Variants in CRYBB2 observed in about 807,000 individuals in gnomAD.
The protein encoded by CRYBB2 is crystallin beta B2, also known as beta-crystallin B2.
A neutral mutation model predicts 24.3 loss-of-function variants in CRYBB2; 12 were observed. The observed-to-expected ratio is 0.49, with a 90% CI of 0.32 to 0.80. The LOEUF is 0.80. Among genes scored for constraint, CRYBB2 ranks in the 30% least tolerant of loss-of-function variants. CRYBB2 has a pLI of 0.04. For missense variants in CRYBB2, 198 were observed against 268.5 expected (o/e 0.74, Z 1.83); for synonymous variants, 98 against 101.6 (o/e 0.96, Z 0.21).
Position 25,231,721 on chromosome 22 carries a change from T to C in CRYBB2, c.567T>C (p.Arg189=). The C allele has an allele frequency of 1.2e-6, 2 of 1,614,120 alleles. No homozygotes were observed. The highest frequency in any genetic ancestry group is 1.7e-6 in the Non-Finnish European group (2 of 1,180,020). ...APHPQVQSVR[R]IRDMQWHQRG... ...ACCCCCAGGTGCAGTCCGTGCGCCG[T>C]ATCCGCGACATGCAGTGGCACCAAC... Residue 189 remains arginine (R), a synonymous_variant, in exon 6 of 6, where the codon CGT becomes CGC. Transcript: ENST00000398215.
rs747563271 is a variant in CRYBB2 at position 25,221,515 on chromosome 22, T to C, written c.54+32T>C. 3 of 1,550,058 alleles carry C rather than the reference T, an allele frequency of 1.9e-6. No individual in the cohort carries two copies. In the South Asian group the frequency reaches 3.3e-5, roughly 17 times the overall value. The stretch of plus-strand genomic sequence containing the variant: ...ACCTCTCAGAGGAGGGGGCATGCAA[T>C]GCTCCTCCCCCAGACTTAGTTGCCC... On this transcript the variant is annotated intron_variant, in intron 2 of 5. Coordinates refer to ENST00000398215, the MANE Select transcript of CRYBB2 (RefSeq NM_000496.3).
upstream of CRYBB2, among the ~76,000 whole-genome samples, chr22:25,218,125 G>GGA (rs1935204682): frequency 2.7e-5 from 4 of 150,932 alleles, no homozygotes; most frequent in African/African-American, 7.3e-5. Context: ...CGGGCGTGTT[G>GGA]GCGGGCGCCT....
At chr22:25,228,047 C>T (rs1428806251) in intron 4 of CRYBB2, 62 bp downstream of exon 4, 2 of 1,610,890 alleles carry the variant, frequency 1.2e-6, no homozygotes, top group African/African-American at 2.7e-5. Context: ...TCTCTCTCTG[C>T]CACCTTGGAG....
chr22:25,222,172 G>T (rs749668684), intron 2 of CRYBB2, among the ~76,000 whole-genome samples: 1 of 152,208 alleles, frequency 6.6e-6, no homozygotes, highest in Non-Finnish European at 1.5e-5. Context: ...CCGGGCACAG[G>T]TTCCTTCAGG....
chr22:25,218,769 G>GAA (rs1935245723), upstream of CRYBB2, among the ~76,000 whole-genome samples: 5 of 37,452 alleles, frequency 1.3e-4, no homozygotes, highest in Admixed American at 6.0e-4. Context: ...GAGAGAGAGA[G>GAA]AGAGAGAGAG....
intron 1 of CRYBB2, 58 bp downstream of exon 1, chr22:25,219,724 C>A (rs960664281): frequency 6.6e-6 from 1 of 152,186 alleles, no homozygotes; most frequent in African/African-American, 2.4e-5. Context: ...CCCCTGTCCG[C>A]AAGCATGGGA....
rs1023262728 is a variant in CRYBB2, at chr22:25,231,690, C to G, written c.536C>G (p.Ala179Gly). ...TACAAGGACAGCAGCGACTTTGGGG[C>G]CCCTCACCCCCAGGTGCAGTCCGTG... is the stretch of plus-strand genomic sequence containing the variant. ...GDYKDSSDFG[A>G]PHPQVQSVRR... Residue 179 changes from alanine (A) to glycine (G), a missense_variant, in exon 6 of 6, where the codon GCC (alanine) becomes GGC (glycine). Coordinates refer to ENST00000398215, the MANE Select transcript of CRYBB2 (RefSeq NM_000496.3). The G allele has an allele frequency of 6.2e-7, 1 of 1,614,102 alleles. No individual in the cohort carries two copies. The highest frequency in any genetic ancestry group is 2.2e-5 in the East Asian group (1 of 44,868).
upstream of CRYBB2, among the ~76,000 whole-genome samples, chr22:25,218,758 A>G (rs1935240467): frequency 2.4e-5 from 1 of 42,106 alleles, no homozygotes; most frequent in African/African-American, 1.4e-4. Flanking sequence ...AGAGAGAGAG[A>G]GAGAGAGAGA....
At chr22:25,218,774 AG>A (rs1424080442), upstream of CRYBB2, among the ~76,000 whole-genome samples, 137 of 19,366 alleles carry the variant, frequency 7.1e-3, 1 homozygote, top group East Asian at 0.025. Context: ...AGAGAGAGAG[AG>A]AGAGAAGAAA....
intron 2 of CRYBB2, among the ~76,000 whole-genome samples, chr22:25,222,110 A>C (rs574003197): frequency 6.6e-6 from 1 of 152,156 alleles, no homozygotes; most frequent in South Asian, 2.1e-4. Flanking sequence ...TCAAACCTCT[A>C]TCTAGGCACG....
upstream of CRYBB2, among the ~76,000 whole-genome samples, chr22:25,218,116 G>A (rs543332752): frequency 7.9e-5 from 12 of 150,956 alleles, no homozygotes; most frequent in East Asian, 8.2e-4. Context: ...AAAATTAGCC[G>A]GGCGTGTTGG....
chr22:25,229,300 A>C, intron 4 of CRYBB2, 136 bp from the exon 5 acceptor site: 1 of 1,434,150 alleles, frequency 7.0e-7, no homozygotes, highest in Non-Finnish European at 9.6e-7. Flanking sequence ...GTGGTCATAG[A>C]CACGTAGTGG....
intron 2 of CRYBB2, among the ~76,000 whole-genome samples, chr22:25,223,300 A>G (rs8142586): frequency 0.64 from 96,605 of 152,086 alleles, 31,015 homozygotes; most frequent in East Asian, 0.83. Flanking sequence ...TCTTCCACTT[A>G]TTCACGTGGG....
chr22:25,229,154 C>T lies in CRYBB2; in HGVS notation c.307-282C>T, dbSNP rs16986565. 0.016 allele frequency among the ~76,000 whole-genome samples: 2,443 copies of T among 152,176 alleles called. 23 individuals carry two copies. The highest frequency in any genetic ancestry group is 0.044 in the South Asian group (213 of 4,820). ...ATGTGGGTGGGTAGGTATATCGTAG[C>T]CACCATTTATAAAAGAGAAACTTGA... On this transcript the variant is annotated intron_variant, in intron 4 of 5. Transcript: ENST00000398215.
At chr22:25,230,757 A>C (rs1480387810) in intron 5 of CRYBB2, among the ~76,000 whole-genome samples, 5 of 149,538 alleles carry the variant, frequency 3.3e-5, no homozygotes, top group Non-Finnish European at 5.9e-5. Flanking sequence ...CCCAGGGTGA[A>C]GGAGATTAAA....
chr22:25,218,820 AAG>A (rs769717330), upstream of CRYBB2, among the ~76,000 whole-genome samples: 72 of 91,156 alleles, frequency 7.9e-4, 1 homozygote, highest in African/African-American at 3.6e-3. Flanking sequence ...GAAAGAAAGA[AAG>A]AAAGAAAGAA....
upstream of CRYBB2, among the ~76,000 whole-genome samples, chr22:25,218,765 GAGAGAGAGAGAGAGAAGA>G (rs1935243934): frequency 2.7e-4 from 9 of 33,262 alleles, no homozygotes; most frequent in East Asian, 4.9e-3. Flanking sequence ...GAGAGAGAGA[GAGAGAGAGAGAGAGAAGA>G]AAGAAAGAAA....
At chr22:25,229,287 G>A (rs542882026) in intron 4 of CRYBB2, 149 bp from the exon 5 acceptor site, 1 of 1,234,374 alleles carries the variant, frequency 8.1e-7, no homozygotes, top group East Asian at 2.6e-5. Context: ...TGATCCAACA[G>A]CAGTGGTCAT....
At chr22:25,218,251 T>G (rs1425240777), upstream of CRYBB2, among the ~76,000 whole-genome samples, 2 of 129,952 alleles carry the variant, frequency 1.5e-5, no homozygotes, top group African/African-American at 5.7e-5. Flanking sequence ...AGAGCGAGAC[T>G]CCATCTCAAA....
Sources: allele counts gnomAD v4.1 joint callset (sites outside exome capture counted in the v4.1 genomes callset), GRCh38; gene constraint gnomAD v4.1.1; transcripts MANE v1.5; gene names NCBI Gene and HGNC (gene_info 2026-07-23, HGNC 2026-07-21).